Variants in ANKS6 observed in about 807,000 individuals in gnomAD.
The protein encoded by ANKS6 is ankyrin repeat and sterile alpha motif domain containing 6.
Under a neutral mutation model 77.9 loss-of-function variants are expected in ANKS6, and 47 were observed. The ratio of observed to expected loss-of-function variants is 0.60; its 90% CI spans 0.48 to 0.77. The LOEUF is 0.77. Ranked by LOEUF, ANKS6 falls within the 30% of genes least tolerant of loss-of-function variation. ANKS6 has a pLI of 0.00. For missense variants in ANKS6, 1,150 were observed against 1,159.1 expected, an observed-to-expected ratio of 0.99 and a Z score of 0.11; for synonymous variants, 488 against 501.7, an observed-to-expected ratio of 0.97 and a Z score of 0.37.
At chr9:98,743,848 C>A (rs1261225000) in intron 14 of ANKS6, among the ~76,000 whole-genome samples, 1 of 152,232 alleles carries the variant, frequency 6.6e-6, no homozygotes, top group African/African-American at 2.4e-5. Context: ...GGCTCTTCTT[C>A]ATGAATAAAT....
chr9:98,780,414 G>A, intron 5 of ANKS6, 77 bp from the exon 6 acceptor site: 1 of 1,462,066 alleles, frequency 6.8e-7, no homozygotes, highest in South Asian at 1.4e-5. Flanking sequence ...GATGACCCCT[G>A]TTAGACTTAG....
intron 2 of ANKS6, among the ~76,000 whole-genome samples, chr9:98,786,233 C>T (rs915843172): frequency 1.2e-4 from 18 of 151,922 alleles, no homozygotes; most frequent in African/African-American, 4.1e-4. Flanking sequence ...CTCGCCTTGG[C>T]CTCCCAAACT....
In ANKS6 at chr9:98,762,201, T is replaced by C. The variant is rs200509842; in HGVS notation, c.2143-5598A>G. ...TTTTTAAAATTTCAAATTAAAAACA[T>C]TCTAAATGTCCTAATGCTAAATGTT... On this transcript the variant is annotated intron_variant, in intron 11 of 14. Transcript: ENST00000353234. Among the ~76,000 whole-genome samples the C allele has an allele frequency of 1.4e-4, 21 of 152,322 alleles. No individual in the cohort carries two copies. The East Asian group carries it at 3.7e-3, about 27-fold the overall frequency.
In ANKS6 at chr9:98,732,174, G is replaced by A. The variant is rs906599055; in HGVS notation, c.*4345C>T. On this transcript the variant is annotated 3_prime_UTR_variant, in exon 15 of 15. Transcript: ENST00000353234. ...TCCTGCTGATGGCACCTTCATTCTG[G>A]CTGCAGAATTCTCCCAGGAAGGGTC... The A allele has an allele frequency of 8.6e-6, 3 of 348,872 alleles. No homozygotes were observed. Among genetic ancestry groups the A allele is most frequent in the East Asian group, 5.7e-5 (1 of 17,542 alleles). The allele number at this position is 348,872 out of a possible 1,614,324, so 21.6% of individuals were successfully genotyped here.
chr9:98,735,192 G>A lies in ANKS6; in HGVS notation c.*1327C>T. ...ACTGGTTCTAAGCTCCAACTAAGAG[G>A]CCATTGAGCTTCATCTGAACTTTGA... On this transcript the variant is annotated 3_prime_UTR_variant, in exon 15 of 15. Coordinates refer to ENST00000353234, the MANE Select transcript of ANKS6 (RefSeq NM_173551.5). The A allele has an allele frequency of 1.0e-6, 1 of 985,682 alleles. No individual in the cohort carries two copies. The highest frequency in any genetic ancestry group is 1.2e-6 in the Non-Finnish European group (1 of 830,136). 61.1% of individuals were successfully genotyped at this position (985,682 alleles called of 1,614,324 possible).
intron 11 of ANKS6, among the ~76,000 whole-genome samples, chr9:98,761,497 G>A (rs1833007545): frequency 6.6e-6 from 1 of 152,176 alleles, no homozygotes; most frequent in South Asian, 2.1e-4. Context: ...TCTGTGGCAT[G>A]ACTTTTCATT....
chr9:98,739,835 G>A (rs1256046811), intron 14 of ANKS6, among the ~76,000 whole-genome samples: 1 of 125,490 alleles, frequency 8.0e-6, no homozygotes, highest in Non-Finnish European at 1.6e-5. Context: ...GCTCACTGCA[G>A]GCTCCGCCCC....
At chr9:98,789,882 T>G (rs1004362474) in intron 2 of ANKS6, 11 of 562,786 alleles carry the variant, frequency 2.0e-5, no homozygotes, top group Non-Finnish European at 3.1e-5. Flanking sequence ...GCTTCCAGGC[T>G]CTTGCCCAGG....
In ANKS6 at chr9:98,780,261, A is replaced by G. The variant is rs779922663; in HGVS notation, c.1296T>C (p.Pro432=). Residue 432 remains proline (P), a synonymous_variant, in exon 6 of 15, where the codon CCT becomes CCC. Transcript: ENST00000353234. ...GTCGGACCTTCGAGTGGGGCAGGGG[A>G]GGCTGGTGGCTCGGCCGGCCTTTGT... is the stretch of plus-strand genomic sequence containing the variant. The part of the protein sequence containing the change: ...NKDKGRPSHQ[P]PLPHSKVRQP... 1 of 1,613,602 alleles carries G rather than the reference A, an allele frequency of 6.2e-7. No homozygotes were observed. The highest frequency in any genetic ancestry group is 2.2e-5 in the East Asian group (1 of 44,860).
intron 1 of ANKS6, among the ~76,000 whole-genome samples, chr9:98,795,752 C>A (rs562890650): frequency 1.3e-5 from 2 of 152,278 alleles, no homozygotes; most frequent in South Asian, 4.1e-4. Flanking sequence ...GCCTGCCCAC[C>A]AATGCCCTGG....
intron 14 of ANKS6, among the ~76,000 whole-genome samples, chr9:98,738,904 C>G (rs1217182700): frequency 6.6e-6 from 1 of 152,188 alleles, no homozygotes; most frequent in African/African-American, 2.4e-5. Context: ...TGATGGAATA[C>G]TACGCAGCCA....
intron 9 of ANKS6, among the ~76,000 whole-genome samples, chr9:98,773,537 T>G (rs960195550): frequency 1.3e-5 from 2 of 152,202 alleles, no homozygotes; most frequent in Non-Finnish European, 2.9e-5. Flanking sequence ...CACACTTGGC[T>G]GGTGATCTTC....
At chr9:98,783,856 G>A in intron 4 of ANKS6, 97 bp downstream of exon 4, 1 of 969,704 alleles carries the variant, frequency 1.0e-6, no homozygotes, top group Non-Finnish European at 1.4e-6. Flanking sequence ...GGGTTTGTAT[G>A]CAGCATCTCA....
chr9:98,784,979 T>C, intron 2 of ANKS6, 103 bp from the exon 3 acceptor site: 1 of 1,052,766 alleles, frequency 9.5e-7, no homozygotes, highest in South Asian at 1.4e-5. Flanking sequence ...AGCATCTAAT[T>C]CTCAAAAGCA....
rs751509404 is a variant in ANKS6, at chr9:98,790,301, C to T, written c.665G>A (p.Arg222Gln). The stretch of plus-strand genomic sequence containing the variant: ...CATCAGCGGGCTCCAGCCCACGGTC[C>T]GGGCTGCGTGGTTGGGGTCCGCGCC... ...EWGADPNHAA[R>Q]TVGWSPLMLA... The change falls in exon 2 of 15, where the codon CGG becomes CAG. Residue 222 changes from arginine (R) to glutamine (Q), a missense_variant. Arg to Gln is a conservative substitution (Grantham distance 43, BLOSUM62 1). Transcript: ENST00000353234. 103 of 1,605,596 alleles carry T rather than the reference C, an allele frequency of 6.4e-5. No individual in the cohort carries two copies. The East Asian group carries it at 7.8e-4, about 12-fold the overall frequency.
In ANKS6 at chr9:98,784,123, T is replaced by G. The variant is rs1310766210; in HGVS notation, c.942A>C (p.Glu314Asp). ...TGACCAAGTTCACGTGGCTGGGGTC[T>G]TCATCGGCAATCTCTTTGACCAGCT... The part of the protein sequence containing the change: ...NFQLVKEIAD[E>D]DPSHVNLVNG... Residue 314 changes from glutamate (E) to aspartate (D), a missense_variant, in exon 4 of 15, where the codon GAA becomes GAC. Glu to Asp is a conservative substitution (Grantham distance 45). Transcript: ENST00000353234. The G allele has an allele frequency of 6.4e-7, 1 of 1,560,892 alleles. No homozygotes were observed. Among genetic ancestry groups the G allele is most frequent in the South Asian group, 1.2e-5 (1 of 84,602 alleles).
intron 2 of ANKS6, chr9:98,789,846 T>G (rs1041270375): frequency 6.7e-6 from 3 of 446,840 alleles, no homozygotes; most frequent in Non-Finnish European, 1.1e-5. Context: ...AATGATGTGC[T>G]TGGGGAGAGC....
intron 13 of ANKS6, among the ~76,000 whole-genome samples, chr9:98,748,434 G>T (rs937447707): frequency 1.3e-5 from 2 of 152,166 alleles, no homozygotes; most frequent in Non-Finnish European, 2.9e-5. Flanking sequence ...TTTTAGCTGG[G>T]CACATTTCCA....
At chr9:98,770,121 T>C (rs1257669740) in intron 10 of ANKS6, among the ~76,000 whole-genome samples, 1 of 152,098 alleles carries the variant, frequency 6.6e-6, no homozygotes, top group Non-Finnish European at 1.5e-5. Context: ...AATTGAATCA[T>C]GGGGGCGGGT....
Sources: allele counts gnomAD v4.1 joint callset (sites outside exome capture counted in the v4.1 genomes callset), GRCh38; gene constraint gnomAD v4.1.1; transcripts MANE v1.5; gene names NCBI Gene and HGNC (gene_info 2026-07-23, HGNC 2026-07-21).